Variants in DPYD observed in about 807,000 individuals in gnomAD.
DPYD encodes the protein dihydropyrimidine dehydrogenase.
A neutral mutation model predicts 116.2 loss-of-function variants in DPYD; 109 were observed. The ratio of observed to expected loss-of-function variants is 0.94; its 90% CI spans 0.80 to 1.10. The LOEUF (loss-of-function observed/expected upper bound fraction) is 1.10. DPYD is among the 50% of genes least tolerant of loss of function. DPYD has a pLI of 0.00. For synonymous variants in DPYD, 440 were observed against 432.0 expected, an observed-to-expected ratio of 1.02 and a Z score of -0.23; for missense variants, 1,302 against 1,254.5, an observed-to-expected ratio of 1.04 and a Z score of -0.57.
At chr1:97,621,383 T>C (rs1266369657) in intron 8 of DPYD, among the ~76,000 whole-genome samples, 2 of 152,094 alleles carry the variant, frequency 1.3e-5, no homozygotes, top group Non-Finnish European at 2.9e-5. Flanking sequence ...GAGGCTACAA[T>C]GGTCTACGTG....
At chr1:97,644,456 T>G (rs2100826695) in intron 8 of DPYD, among the ~76,000 whole-genome samples, 1 of 152,042 alleles carries the variant, frequency 6.6e-6, no homozygotes, top group East Asian at 1.9e-4. Flanking sequence ...TGAGACAGAG[T>G]CTCCATCTAT....
chr1:97,399,322 C>G (rs1673214385), intron 14 of DPYD, among the ~76,000 whole-genome samples: 1 of 152,090 alleles, frequency 6.6e-6, no homozygotes, highest in African/African-American at 2.4e-5. Context: ...TTTGTGGTAC[C>G]AGTACCATGT....
At chr1:97,880,994 TC>T (rs1420936395) in intron 2 of DPYD, among the ~76,000 whole-genome samples, 2 of 152,018 alleles carry the variant, frequency 1.3e-5, no homozygotes, top group Non-Finnish European at 2.9e-5. Context: ...CCTAAGATAA[TC>T]CTCTTTGTGC....
At chr1:97,536,809 T>TGTC (rs1315853259) in intron 12 of DPYD, among the ~76,000 whole-genome samples, 2 of 152,326 alleles carry the variant, frequency 1.3e-5, no homozygotes, top group East Asian at 3.9e-4. Flanking sequence ...AAGATGACAC[T>TGTC]TGACATTTGG....
chr1:97,485,406 T>C (rs1678573527), intron 13 of DPYD, among the ~76,000 whole-genome samples: 1 of 152,206 alleles, frequency 6.6e-6, no homozygotes, highest in African/African-American at 2.4e-5. Context: ...TTTGCCATGT[T>C]GGCCAGGCTG....
chr1:97,705,465 A>T (rs192397802), intron 5 of DPYD, among the ~76,000 whole-genome samples: 2 of 152,128 alleles, frequency 1.3e-5, no homozygotes, highest in African/African-American at 4.8e-5. Context: ...ACATGAACTC[A>T]TCATTTTTTA....
At chr1:97,459,909 G>A (rs1367921946) in intron 13 of DPYD, among the ~76,000 whole-genome samples, 2 of 152,118 alleles carry the variant, frequency 1.3e-5, no homozygotes, top group Non-Finnish European at 2.9e-5. Flanking sequence ...AATACATTAT[G>A]TGAAAAACAT....
intron 14 of DPYD, chr1:97,419,968 A>G (rs1461417866): frequency 6.6e-6 from 1 of 152,246 alleles, no homozygotes; most frequent in Non-Finnish European, 1.5e-5. Flanking sequence ...AGGACAGTCA[A>G]TTGTGGATAA....
At chr1:97,911,063 ATTGT>A (rs1195886382) in intron 1 of DPYD, among the ~76,000 whole-genome samples, 3 of 152,110 alleles carry the variant, frequency 2.0e-5, no homozygotes, top group Non-Finnish European at 4.4e-5. Context: ...GTTTCACCTA[ATTGT>A]TTATTTAAAA....
At chr1:97,226,445 G>C in intron 19 of DPYD, among the ~76,000 whole-genome samples, 1 of 152,164 alleles carries the variant, frequency 6.6e-6, no homozygotes, top group African/African-American at 2.4e-5. Context: ...AAGTTAAATA[G>C]ACTCTGTAGA....
intron 15 of DPYD, among the ~76,000 whole-genome samples, chr1:97,378,227 C>T (rs985710485): frequency 6.6e-6 from 1 of 152,192 alleles, no homozygotes; most frequent in East Asian, 1.9e-4. Flanking sequence ...GTGTCTATCT[C>T]CTGTGATTCC....
At chr1:97,314,207 C>G (rs1208935888) in intron 16 of DPYD, among the ~76,000 whole-genome samples, 1 of 151,874 alleles carries the variant, frequency 6.6e-6, no homozygotes, top group Non-Finnish European at 1.5e-5. Flanking sequence ...CTGTCTGAAC[C>G]TTTAATATAT....
intron 18 of DPYD, among the ~76,000 whole-genome samples, chr1:97,256,333 A>G (rs974657612): frequency 4.6e-5 from 7 of 151,014 alleles, no homozygotes; most frequent in African/African-American, 1.7e-4. Flanking sequence ...TTCCCTCTTG[A>G]TATGGTTTGG....
chr1:97,122,310 C>T (rs1652509591), intron 20 of DPYD, among the ~76,000 whole-genome samples: 1 of 152,088 alleles, frequency 6.6e-6, no homozygotes, highest in South Asian at 2.1e-4. Context: ...ATTCAGAAGC[C>T]TGTGCTGTAG....
At chr1:97,125,897 A>G (rs1420893740) in intron 20 of DPYD, among the ~76,000 whole-genome samples, 1 of 152,162 alleles carries the variant, frequency 6.6e-6, no homozygotes, top group African/African-American at 2.4e-5. Flanking sequence ...CTAAACTACT[A>G]AGCAAAAAAT....
At chr1:97,790,691 C>CT (rs1278002187) in intron 3 of DPYD, among the ~76,000 whole-genome samples, 4 of 152,112 alleles carry the variant, frequency 2.6e-5, no homozygotes, top group African/African-American at 7.2e-5. Context: ...CTTCACATCT[C>CT]TTTTTCACTC....
intron 20 of DPYD, among the ~76,000 whole-genome samples, chr1:97,103,980 A>C (rs1650945299): frequency 6.6e-6 from 1 of 152,020 alleles, no homozygotes. Context: ...GGTACATGCC[A>C]ATTAGGCTAT....
intron 8 of DPYD, among the ~76,000 whole-genome samples, chr1:97,649,472 T>C (rs998364651): frequency 2.0e-5 from 3 of 152,126 alleles, no homozygotes; most frequent in Admixed American, 6.6e-5. Context: ...TGTACATGAA[T>C]AAGTTACTTA....
At chr1:97,164,808 C>T (rs1057511814) in intron 20 of DPYD, among the ~76,000 whole-genome samples, 12 of 151,766 alleles carry the variant, frequency 7.9e-5, no homozygotes, top group Non-Finnish European at 1.8e-4. Context: ...ATTCCATGCT[C>T]GTGGACAGGA....
Sources: gnomAD v4.1 joint callset for allele counts (sites outside exome capture counted in the v4.1 genomes callset) on GRCh38, gnomAD v4.1.1 for gene constraint, MANE v1.5 for transcripts, NCBI Gene and HGNC (gene_info 2026-07-23, HGNC 2026-07-21) for gene names.